Variants in MPP3 observed in about 807,000 individuals in gnomAD.
MPP3 encodes the protein MAGUK p55 subfamily member 3.
Under a neutral mutation model 80.7 loss-of-function variants are expected in MPP3, and 48 were observed. That is an observed-to-expected ratio of 0.59 (90% CI 0.47 to 0.76). The LOEUF (loss-of-function observed/expected upper bound fraction) is 0.76, where lower values mean the gene tolerates loss of function less well. Among genes scored for constraint, MPP3 ranks in the 30% least tolerant of loss-of-function variants. The pLI, the probability that MPP3 is intolerant of heterozygous loss-of-function variation, is 0.00. For synonymous variants in MPP3, 311 were observed against 297.6 expected, an observed-to-expected ratio of 1.04 and a Z score of -0.46; for missense variants, 620 against 763.0, an observed-to-expected ratio of 0.81 and a Z score of 2.21.
chr17:43,808,817 G>A, intron 19 of MPP3, 139 bp downstream of exon 19: 3 of 1,015,622 alleles, frequency 3.0e-6, no homozygotes, highest in East Asian at 2.9e-5. Flanking sequence ...TTTTCAATAG[G>A]CAAAATGGAA....
At chr17:43,805,693 G>T (rs1216460956) in intron 19 of MPP3, among the ~76,000 whole-genome samples, 1 of 152,166 alleles carries the variant, frequency 6.6e-6, no homozygotes, top group Non-Finnish European at 1.5e-5. Context: ...GATACAAAAG[G>T]TCTTACATTG....
At chr17:43,827,231 G>A (rs1442208999) in intron 8 of MPP3, among the ~76,000 whole-genome samples, 1 of 151,498 alleles carries the variant, frequency 6.6e-6, no homozygotes, top group Non-Finnish European at 1.5e-5. Context: ...GGTCAGGCTG[G>A]TCTCGAACTC....
intron 19 of MPP3, among the ~76,000 whole-genome samples, chr17:43,806,214 G>C (rs1448083258): frequency 6.6e-6 from 1 of 152,096 alleles, no homozygotes; most frequent in Non-Finnish European, 1.5e-5. Context: ...CGCCCAGGCT[G>C]AAGTACAGTG....
At chr17:43,823,530 C>T in intron 10 of MPP3, among the ~76,000 whole-genome samples, 1 of 152,206 alleles carries the variant, frequency 6.6e-6, no homozygotes, top group South Asian at 2.1e-4. Context: ...ACCAAGAGTC[C>T]CTGTCTCCAG....
At chr17:43,808,873 C>A in intron 19 of MPP3, 83 bp downstream of exon 19, 1 of 1,466,308 alleles carries the variant, frequency 6.8e-7, no homozygotes, top group South Asian at 1.5e-5. Context: ...TCTTCAGCTG[C>A]AAGCACCCTT....
intron 10 of MPP3, among the ~76,000 whole-genome samples, chr17:43,822,675 T>C (rs2045517602): frequency 5.1e-3 from 7 of 1,368 alleles, no homozygotes; most frequent in South Asian, 0.04. Flanking sequence ...ACCACTCCCA[T>C]CCTAAAAAAA....
chr17:43,828,156 T>TA (rs146892363), intron 7 of MPP3, among the ~76,000 whole-genome samples: 3,412 of 152,116 alleles, frequency 0.022, 131 homozygotes, highest in African/African-American at 0.079. Context: ...CTCCATCACA[T>TA]CTCTCTCATA....
intron 19 of MPP3, among the ~76,000 whole-genome samples, chr17:43,808,534 C>T (rs1567798053): frequency 6.6e-6 from 1 of 152,264 alleles, no homozygotes. Flanking sequence ...CCTTCATTCA[C>T]TGATGATTCA....
chr17:43,826,831 T>TATATATATATATA (rs57570654), intron 8 of MPP3, among the ~76,000 whole-genome samples: 2 of 118,522 alleles, frequency 1.7e-5, no homozygotes, highest in African/African-American at 8.1e-5. Context: ...TATATATATA[T>TATATATATATATA]TTTTTTTTTT....
chr17:43,806,092 T>C (rs898212354), intron 19 of MPP3, among the ~76,000 whole-genome samples: 1 of 151,878 alleles, frequency 6.6e-6, no homozygotes, highest in African/African-American at 2.4e-5. Context: ...TGATTTTTTA[T>C]TTTGATTTAT....
intron 11 of MPP3, among the ~76,000 whole-genome samples, chr17:43,819,557 T>A (rs188112233): frequency 4.9e-4 from 75 of 152,320 alleles, no homozygotes; most frequent in African/African-American, 1.8e-3. Flanking sequence ...ATCACGTTTA[T>A]ATAAACTGTG....
intron 17 of MPP3, 82 bp downstream of exon 17, chr17:43,811,030 G>T: frequency 6.9e-7 from 1 of 1,457,674 alleles, no homozygotes; most frequent in Non-Finnish European, 9.6e-7. Flanking sequence ...CTTTCCGGGA[G>T]TCCTCCCAGG....
rs1388113543 is a variant in MPP3 at position 43,801,422 on chromosome 17, G to A, written c.*279C>T. ...AAAAGACAGTGGCTACTTAACTTTG[G>A]TACAAAGAATCAGGGTCAGCTTGCC... On this transcript the variant is annotated 3_prime_UTR_variant, in exon 20 of 20. Transcript: ENST00000398389. 2 of 384,092 alleles carry A rather than the reference G, an allele frequency of 5.2e-6. No homozygotes were observed. Among genetic ancestry groups the A allele is most frequent in the Non-Finnish European group, 9.4e-6 (2 of 212,032 alleles). 23.8% of individuals were successfully genotyped at this position (384,092 alleles called of 1,614,324 possible).
In MPP3 at chr17:43,830,042, G is replaced by A. The variant is rs2045893719; in HGVS notation, c.288C>T (p.Ser96=). 6 of 1,596,956 alleles carry A rather than the reference G, an allele frequency of 3.8e-6. No individual in the cohort carries two copies. The highest frequency in any genetic ancestry group is 5.1e-6 in the Non-Finnish European group (6 of 1,173,296). The part of the protein sequence containing the change: ...SDERELLQLL[S]TPHLRAVLMV... ...GTGTGACTACCCTCAGGTGCGGGGT[G>A]GACAGCAGCTGGAGCAGCTCCCTCT... is the stretch of plus-strand genomic sequence containing the variant. The change falls in exon 6 of 20, where the codon TCC becomes TCT. Residue 96 remains serine, a synonymous_variant. Coordinates refer to ENST00000398389, the MANE Select transcript of MPP3 (RefSeq NM_001932.6).
intron 10 of MPP3, among the ~76,000 whole-genome samples, chr17:43,821,785 C>CA (rs201027130): frequency 0.01 from 1,562 of 151,962 alleles, 18 homozygotes; most frequent in Non-Finnish European, 0.012. Flanking sequence ...ACTTCAGTGG[C>CA]AAACAGGAAA....
intron 19 of MPP3, 92 bp from the exon 20 acceptor site, chr17:43,801,969 C>G (rs1159424928): frequency 8.6e-7 from 1 of 1,156,918 alleles, no homozygotes; most frequent in Non-Finnish European, 1.2e-6. Flanking sequence ...CAACCTTTAA[C>G]TTTTAAGTGA....
chr17:43,830,282 C>T (rs1365750388), intron 5 of MPP3, among the ~76,000 whole-genome samples, 175 bp from the exon 6 acceptor site: 3 of 152,176 alleles, frequency 2.0e-5, no homozygotes, highest in Admixed American at 2.0e-4. Context: ...AGGAGCAGCT[C>T]TATGGGGCCA....
chr17:43,820,500 G>A (rs868014351), intron 11 of MPP3, among the ~76,000 whole-genome samples: 5 of 151,538 alleles, frequency 3.3e-5, no homozygotes, highest in Non-Finnish European at 5.9e-5. Flanking sequence ...GCTGAGGCGG[G>A]AGAATTGCTT....
At chr17:43,827,214 C>G (rs1307331443) in intron 8 of MPP3, among the ~76,000 whole-genome samples, 1 of 151,374 alleles carries the variant, frequency 6.6e-6, no homozygotes, top group East Asian at 1.9e-4. Flanking sequence ...TGGGGTTTCT[C>G]TGTGTGGGTC....
Sources: gnomAD v4.1 joint callset for allele counts (sites outside exome capture counted in the v4.1 genomes callset) on GRCh38, gnomAD v4.1.1 for gene constraint, MANE v1.5 for transcripts, NCBI Gene and HGNC (gene_info 2026-07-23, HGNC 2026-07-21) for gene names.